The following PRH1 variants were observed in gnomAD, a reference collection of about 807,000 sequenced individuals.
PRH1 encodes proline rich protein HaeIII subfamily 1.
PRH1 carries 7 observed loss-of-function variants against 7.9 expected under a neutral mutation model. The ratio of observed to expected loss-of-function variants is 0.89; its 90% CI spans 0.50 to 1.67. The LOEUF is 1.67. Ranked by LOEUF, PRH1 falls within the 40% of genes most tolerant of loss-of-function variation. The pLI is 0.00. For missense variants in PRH1, 109 were observed against 223.6 expected (o/e 0.49, Z 3.27); for synonymous variants, 45 against 80.8 (o/e 0.56, Z 2.38).
chr12:11,101,214 T>C (rs1242476620), intron 1 of PRH1, among the ~76,000 whole-genome samples: 1 of 152,144 alleles, frequency 6.6e-6, no homozygotes, highest in Non-Finnish European at 1.5e-5. Flanking sequence ...TTGGGCCAGG[T>C]GTGGTGGCTC....
chr12:11,169,151 T>C (rs925532216), intron 1 of PRH1, among the ~76,000 whole-genome samples: 7 of 152,228 alleles, frequency 4.6e-5, no homozygotes, highest in African/African-American at 1.7e-4. Flanking sequence ...GCAGTTAATC[T>C]GTACAATCAA....
At chr12:11,071,711 C>G (rs1369370118) in intron 1 of PRH1, among the ~76,000 whole-genome samples, 3 of 120,048 alleles carry the variant, frequency 2.5e-5, no homozygotes, top group Non-Finnish European at 4.0e-5. Flanking sequence ...AGCACTCTTC[C>G]TTAGAGTCTG....
intron 1 of PRH1, among the ~76,000 whole-genome samples, chr12:11,143,189 T>G (rs1946756945): frequency 6.6e-6 from 1 of 151,944 alleles, no homozygotes; most frequent in African/African-American, 2.4e-5. Context: ...ACACAAAAAG[T>G]TAAAAACTGA....
rs1350439466 is a variant in PRH1 at position 11,094,339 on chromosome 12, G to A, written n.124-47151C>T. 4.0e-5 allele frequency among the ~76,000 whole-genome samples: 4 copies of A among 98,820 alleles called. 1 individual carries two copies. Among genetic ancestry groups the A allele is most frequent in the African/African-American group, 1.4e-4 (4 of 28,728 alleles). 64.8% of individuals were successfully genotyped at this position (98,820 alleles called of 152,430 possible). A position where few individuals can be genotyped will look rare whatever the true frequency, so the allele number is the denominator to read the frequency against. ...AAAAAAAAAAAACCCGACGTCAAAC[G>A]ACATGTGAGATATAAATATCTAATG... On this transcript the variant is annotated intron_variant and non_coding_transcript_variant, in intron 1 of 4. Coordinates refer to the PRH1 transcript ENST00000541977.
At chr12:10,907,987 A>G (rs979599900) in intron 2 of PRH1, 1 of 168,076 alleles carries the variant, frequency 5.9e-6, no homozygotes. Flanking sequence ...GTAGCTCACC[A>G]TTTAAATAGG....
chr12:11,000,372 T>G (rs1940529100), intron 1 of PRH1, among the ~76,000 whole-genome samples: 1 of 152,270 alleles, frequency 6.6e-6, no homozygotes, highest in African/African-American at 2.4e-5. Context: ...ATGAAGGTCC[T>G]CTATTCTTTT....
intron 2 of PRH1, among the ~76,000 whole-genome samples, chr12:10,952,255 A>G (rs1796151222): frequency 6.6e-6 from 1 of 152,346 alleles, no homozygotes; most frequent in Non-Finnish European, 1.5e-5. Context: ...AACAACTAGC[A>G]TAAGATAAAT....
Position 10,997,209 on chromosome 12 carries a change from T to A in PRH1, c.-125-23488A>T. ...ACAGTTTGCAGAGCTTTTATGTGGA[T>A]CTTGGTGCTGGGATCTTGAGATCCT... On this transcript the variant is annotated intron_variant, in intron 1 of 3. Coordinates refer to the PRH1 transcript ENST00000539853. 1 of 1,614,118 alleles carries A rather than the reference T, an allele frequency of 6.2e-7. No individual in the cohort carries two copies. Among genetic ancestry groups the A allele is most frequent in the Non-Finnish European group, 8.5e-7 (1 of 1,179,992 alleles).
chr12:11,170,311 C>A (rs1479847335), intron 1 of PRH1, among the ~76,000 whole-genome samples: 2 of 152,208 alleles, frequency 1.3e-5, no homozygotes, highest in Non-Finnish European at 2.9e-5. Context: ...CTTTGGGAGG[C>A]TGAGGCGGGC....
chr12:10,904,682 A>G (rs1797167462), intron 2 of PRH1, among the ~76,000 whole-genome samples: 1 of 152,174 alleles, frequency 6.6e-6, no homozygotes, highest in Admixed American at 6.5e-5. Flanking sequence ...GACAAGTGGG[A>G]CCTAATTAAA....
intron 1 of PRH1, among the ~76,000 whole-genome samples, chr12:11,059,761 C>T: frequency 6.7e-6 from 1 of 150,034 alleles, no homozygotes; most frequent in Admixed American, 6.7e-5. Context: ...AAGCCTGTAA[C>T]CTTAACCTGA....
intron 1 of PRH1, among the ~76,000 whole-genome samples, chr12:11,124,870 T>G (rs892873532): frequency 2.1e-5 from 3 of 139,774 alleles, no homozygotes; most frequent in Non-Finnish European, 4.8e-5. Flanking sequence ...GACATGGAGC[T>G]TCACTCTTGT....
chr12:10,972,244 C>T (rs1389948244), intron 2 of PRH1, among the ~76,000 whole-genome samples: 6 of 152,074 alleles, frequency 3.9e-5, no homozygotes, highest in South Asian at 2.1e-4. Flanking sequence ...AACAAACACA[C>T]CTTAAAAAAA....
chr12:11,101,290 C>A (rs1286908311), intron 1 of PRH1, among the ~76,000 whole-genome samples: 2 of 152,144 alleles, frequency 1.3e-5, no homozygotes, highest in Admixed American at 1.3e-4. Flanking sequence ...GAGTTCAAGA[C>A]CTGCCTGGGC....
At chr12:10,945,784 A>T (rs891090455) in intron 2 of PRH1, among the ~76,000 whole-genome samples, 2 of 152,070 alleles carry the variant, frequency 1.3e-5, no homozygotes, top group Non-Finnish European at 2.9e-5. Context: ...CTCAGCTAAG[A>T]CTGTAAAAGA....
At chr12:10,912,613 T>C (rs1949916457) in intron 2 of PRH1, among the ~76,000 whole-genome samples, 1 of 152,100 alleles carries the variant, frequency 6.6e-6, no homozygotes, top group African/African-American at 2.4e-5. Flanking sequence ...CCGTTGAGTA[T>C]GTTTGCTGTT....
intron 1 of PRH1, chr12:11,171,341 C>T (rs1237968613): frequency 7.3e-6 from 9 of 1,230,362 alleles, no homozygotes; most frequent in African/African-American, 1.6e-5. Context: ...GCTGGGCGGG[C>T]GGCGACACCT....
intron 2 of PRH1, among the ~76,000 whole-genome samples, chr12:10,937,232 CTG>C (rs56393802): frequency 0.057 from 6,319 of 110,096 alleles, 319 homozygotes; most frequent in African/African-American, 0.15. Flanking sequence ...CTCTCTCTCT[CTG>C]TGTGTGTGTG....
At chr12:11,091,805 C>A (rs1216962342) in intron 1 of PRH1, 2 of 1,505,150 alleles carry the variant, frequency 1.3e-6, no homozygotes. Context: ...AAAAAGATGA[C>A]AAGCCAAAAA....
Sources: allele counts gnomAD v4.1 joint callset (sites outside exome capture counted in the v4.1 genomes callset), GRCh38; gene constraint gnomAD v4.1.1; transcripts MANE v1.5; gene names NCBI Gene and HGNC (gene_info 2026-07-23, HGNC 2026-07-21).